The following CIRSR variants were observed in gnomAD, a reference collection of about 807,000 sequenced individuals.
CIRSR encodes the protein corepressor of RBPJ and splicing regulator.
chr2:174,377,472 G>A, the CIRSR span, among the ~76,000 whole-genome samples: 1 of 152,092 alleles, frequency 6.6e-6, no homozygotes, highest in Non-Finnish European at 1.5e-5. Context: ...ACAATACTGA[G>A]CGAATAATTT....
At chr2:174,359,150 A>T in the CIRSR span, among the ~76,000 whole-genome samples, 1 of 152,232 alleles carries the variant, frequency 6.6e-6, no homozygotes, top group African/African-American at 2.4e-5. Flanking sequence ...AAGAACAGAT[A>T]AAATTCATAT....
the CIRSR span, among the ~76,000 whole-genome samples, chr2:174,377,647 A>C: frequency 1.3e-5 from 2 of 151,350 alleles, no homozygotes; most frequent in East Asian, 3.9e-4. Flanking sequence ...GCAAAACCCT[A>C]TCTCTATTAA....
chr2:174,394,222 G>C, the CIRSR span, among the ~76,000 whole-genome samples: 1 of 152,122 alleles, frequency 6.6e-6, no homozygotes, highest in South Asian at 2.1e-4. Context: ...AAAAAATTAT[G>C]ATTTCTCAGG....
the CIRSR span, chr2:174,387,306 C>T: frequency 6.0e-6 from 1 of 166,760 alleles, no homozygotes; most frequent in Admixed American, 6.5e-5. Context: ...AGAACAATGA[C>T]ATGCGTGTCA....
the CIRSR span, among the ~76,000 whole-genome samples, chr2:174,377,880 A>G: frequency 6.6e-6 from 1 of 151,472 alleles, no homozygotes; most frequent in African/African-American, 2.4e-5. Flanking sequence ...TAAACCCCTA[A>G]TAGGAGAACT....
the CIRSR span, among the ~76,000 whole-genome samples, chr2:174,384,744 T>A: frequency 1.3e-5 from 2 of 151,868 alleles, no homozygotes; most frequent in South Asian, 2.1e-4. Flanking sequence ...AAAAAAATAA[T>A]AATAAAACCC....
the CIRSR span, among the ~76,000 whole-genome samples, chr2:174,360,612 A>G: frequency 6.6e-6 from 1 of 152,348 alleles, no homozygotes; most frequent in African/African-American, 2.4e-5. Flanking sequence ...AGGAAGAGTC[A>G]TGTAAAAGAG....
At chr2:174,373,764 TA>T in the CIRSR span, among the ~76,000 whole-genome samples, 2,242 of 130,112 alleles carry the variant, frequency 0.017, 30 homozygotes, top group African/African-American at 0.042. Context: ...TCCCTCACCT[TA>T]AAAAAAAAAA....
chr2:174,354,591 C>A, the CIRSR span, among the ~76,000 whole-genome samples: 311 of 9,136 alleles, frequency 0.034, 4 homozygotes, highest in African/African-American at 0.06. Context: ...TTATATATAT[C>A]ATATAATATA....
the CIRSR span, chr2:174,380,943 C>CT: frequency 4.2e-6 from 3 of 713,422 alleles, no homozygotes; most frequent in Admixed American, 6.9e-5. Flanking sequence ...ATTGGTTTGA[C>CT]TTTTTTTCTT....
At chr2:174,351,714 G>C in the CIRSR span, 3 of 1,611,646 alleles carry the variant, frequency 1.9e-6, no homozygotes, top group Non-Finnish European at 2.5e-6. Context: ...TCCGAGGGGT[G>C]CATCGATGGC....
At chr2:174,380,083 T>A in the CIRSR span, 1 of 627,558 alleles carries the variant, frequency 1.6e-6, no homozygotes, top group Admixed American at 3.3e-5. Flanking sequence ...CCTTATATTA[T>A]CTGATACAAA....
At chr2:174,356,512 G>GAAGA in the CIRSR span, among the ~76,000 whole-genome samples, 4 of 77,680 alleles carry the variant, frequency 5.1e-5, no homozygotes, top group African/African-American at 1.1e-4. Flanking sequence ...AGAAGGGAAG[G>GAAGA]AAGAAAGAAA....
chr2:174,348,822 C>T, the CIRSR span: 1 of 1,614,184 alleles, frequency 6.2e-7, no homozygotes, highest in Non-Finnish European at 8.5e-7. Flanking sequence ...CTCCCTAGAA[C>T]TCTCGTGTTT....
the CIRSR span, chr2:174,387,403 C>A: frequency 4.0e-6 from 1 of 247,142 alleles, no homozygotes. Context: ...CTCAGCAGTT[C>A]AAGTGTAGAC....
At chr2:174,383,849 C>CAAAAAAAAA in the CIRSR span, among the ~76,000 whole-genome samples, 25 of 121,462 alleles carry the variant, frequency 2.1e-4, no homozygotes, top group Non-Finnish European at 3.7e-4. Context: ...AGCTATCTTC[C>CAAAAAAAAA]AAAAAAAAAA....
chr2:174,389,954 T>C, the CIRSR span, among the ~76,000 whole-genome samples: 1 of 152,248 alleles, frequency 6.6e-6, no homozygotes, highest in Non-Finnish European at 1.5e-5. Context: ...TGGAAACACC[T>C]GGATGTTCAG....
the CIRSR span, among the ~76,000 whole-genome samples, chr2:174,379,534 G>A: frequency 6.6e-6 from 1 of 152,098 alleles, no homozygotes; most frequent in East Asian, 1.9e-4. Flanking sequence ...AAATGAATAG[G>A]CAAAGCGGTG....
At chr2:174,358,735 C>T in the CIRSR span, among the ~76,000 whole-genome samples, 2 of 152,078 alleles carry the variant, frequency 1.3e-5, no homozygotes, top group Non-Finnish European at 2.9e-5. Flanking sequence ...TTTTTTGAGA[C>T]AGAGTCTCAG....
Sources: gnomAD v4.1 joint callset for allele counts (sites outside exome capture counted in the v4.1 genomes callset) on GRCh38, gnomAD v4.1.1 for gene constraint, MANE v1.5 for transcripts, NCBI Gene and HGNC (gene_info 2026-07-23, HGNC 2026-07-21) for gene names.